Variants in PPP6R3 observed in about 807,000 individuals in gnomAD.
PPP6R3 encodes protein phosphatase 6 regulatory subunit 3, also known as serine/threonine-protein phosphatase 6 regulatory subunit 3.
A neutral mutation model predicts 110.7 loss-of-function variants in PPP6R3; 38 were observed. That is an observed-to-expected ratio of 0.34 (90% CI 0.26 to 0.45). PPP6R3 has a LOEUF of 0.45. PPP6R3 is among the 20% of genes least tolerant of loss of function. The pLI is 1.00. For synonymous variants in PPP6R3, 369 were observed against 373.5 expected (o/e 0.99, Z 0.14); for missense variants, 870 against 1,062.4 (o/e 0.82, Z 2.52).
intron 1 of PPP6R3, among the ~76,000 whole-genome samples, chr11:68,491,096 AGGATCACTT>A (rs2098981149): frequency 6.6e-6 from 1 of 151,946 alleles, no homozygotes; most frequent in African/African-American, 2.4e-5. Flanking sequence ...CTGAGGCAGG[AGGATCACTT>A]GAGCCTAGGA....
intron 16 of PPP6R3, among the ~76,000 whole-genome samples, chr11:68,588,726 T>C (rs1397109586): frequency 6.8e-6 from 1 of 147,514 alleles, no homozygotes; most frequent in Non-Finnish European, 1.5e-5. Context: ...ATTACAGGCG[T>C]GAGTCACTGC....
chr11:68,491,794 C>T (rs530158983), intron 1 of PPP6R3, among the ~76,000 whole-genome samples: 15 of 152,238 alleles, frequency 9.9e-5, no homozygotes, highest in African/African-American at 3.6e-4. Context: ...CTTTTGGCTT[C>T]CCTGGGCCAC....
At chr11:68,553,828 T>A (rs1462457086) in intron 6 of PPP6R3, among the ~76,000 whole-genome samples, 1 of 152,206 alleles carries the variant, frequency 6.6e-6, no homozygotes, top group East Asian at 1.9e-4. Flanking sequence ...GTGTCATGTT[T>A]TAAATTTTGG....
chr11:68,583,113 ATTC>A lies in PPP6R3; in HGVS notation c.1622_1624del (p.Ser541del), dbSNP rs756926051. The A allele has an allele frequency of 6.5e-6, 10 of 1,544,348 alleles. No homozygotes were observed. Among genetic ancestry groups the A allele is most frequent in the Non-Finnish European group, 8.8e-6 (10 of 1,141,856 alleles). On this transcript the variant is annotated inframe_deletion, in exon 15 of 24. Transcript: ENST00000393800. ...TTTAAAGAAACGGGTTTCTCACAGG[ATTC>A]TTCTTTGCAGCAAGTGAGTCACGCC...
chr11:68,536,834 A>G (rs1047402750), intron 2 of PPP6R3, among the ~76,000 whole-genome samples: 5 of 152,112 alleles, frequency 3.3e-5, no homozygotes, highest in African/African-American at 1.2e-4. Context: ...AGGTCTTTGA[A>G]TGGTCTCTAC....
At chr11:68,568,320 C>T (rs745718973) in intron 10 of PPP6R3, among the ~76,000 whole-genome samples, 2 of 152,124 alleles carry the variant, frequency 1.3e-5, no homozygotes, top group African/African-American at 2.4e-5. Context: ...TTACTAATAA[C>T]AATATACAGT....
At chr11:68,592,893 A>G (rs930281549) in intron 18 of PPP6R3, among the ~76,000 whole-genome samples, 8 of 152,224 alleles carry the variant, frequency 5.3e-5, no homozygotes, top group Non-Finnish European at 1.0e-4. Context: ...GTAATACAGT[A>G]TATCTTCACA....
chr11:68,614,137 AAGT>A lies in PPP6R3; in HGVS notation c.*1023_*1025del. On this transcript the variant is annotated 3_prime_UTR_variant, in exon 24 of 24. Coordinates refer to ENST00000393800, the MANE Select transcript of PPP6R3 (RefSeq NM_001164161.2). ...TTCATTTTACAGGCTAGTATTTTAA[AAGT>A]AGAAATCAAAATCTGGCACCGAAGC... The A allele has an allele frequency of 8.1e-6, 8 of 986,544 alleles. No homozygotes were observed. The highest frequency in any genetic ancestry group is 9.6e-6 in the Non-Finnish European group (8 of 830,498). The allele number at this position is 986,544 out of a possible 1,614,324, so 61.1% of individuals were successfully genotyped here.
chr11:68,610,275 T>C (rs541673216), intron 23 of PPP6R3, among the ~76,000 whole-genome samples: 1 of 152,290 alleles, frequency 6.6e-6, no homozygotes, highest in Admixed American at 6.5e-5. Flanking sequence ...CATCACTCGC[T>C]CTTTTAGAAG....
intron 1 of PPP6R3, among the ~76,000 whole-genome samples, chr11:68,498,382 A>G (rs372370394): frequency 1.3e-5 from 2 of 152,136 alleles, no homozygotes; most frequent in Non-Finnish European, 2.9e-5. Context: ...TCTCTTCTAT[A>G]TTATTACTAT....
At chr11:68,603,937 G>A (rs1270469453) in intron 22 of PPP6R3, among the ~76,000 whole-genome samples, 2 of 152,160 alleles carry the variant, frequency 1.3e-5, no homozygotes, top group Admixed American at 6.5e-5. Flanking sequence ...TTAAAAGAAC[G>A]TGACCCTTAG....
chr11:68,502,678 G>A lies in PPP6R3; in HGVS notation c.-157-16823G>A, dbSNP rs76333305. Reference sequence around the variant, plus strand: ...GTGAATTGGATTGGAAGGGAAAAGAGGAGCCAGGGCTGTTTTCCAGGCTGC... The same window carrying A: ...GTGAATTGGATTGGAAGGGAAAAGAAGAGCCAGGGCTGTTTTCCAGGCTGC... On this transcript the variant is annotated intron_variant, in intron 1 of 23. Transcript: ENST00000393800. Among the ~76,000 whole-genome samples, 601 of 152,334 alleles carry A rather than the reference G, an allele frequency of 3.9e-3. 2 individuals are homozygous for A. Among genetic ancestry groups the A allele is most frequent in the Middle Eastern group, 0.014 (4 of 294 alleles).
intron 3 of PPP6R3, among the ~76,000 whole-genome samples, chr11:68,540,333 C>T (rs548061634): frequency 4.2e-4 from 64 of 152,138 alleles, no homozygotes; most frequent in Admixed American, 3.6e-3. Flanking sequence ...CAGTAGGTTC[C>T]GTGATGCCCC....
intron 1 of PPP6R3, among the ~76,000 whole-genome samples, chr11:68,490,707 C>G (rs2098978680): frequency 6.6e-6 from 1 of 151,102 alleles, no homozygotes; most frequent in South Asian, 2.1e-4. Flanking sequence ...TGCTCAGATT[C>G]TTTCTTCAGC....
intron 7 of PPP6R3, among the ~76,000 whole-genome samples, chr11:68,557,918 T>G (rs780550284): frequency 6.6e-6 from 1 of 152,352 alleles, no homozygotes; most frequent in Non-Finnish European, 1.5e-5. Flanking sequence ...CTGGTTTATG[T>G]TAATTGTTAT....
intron 1 of PPP6R3, among the ~76,000 whole-genome samples, chr11:68,467,762 C>T (rs568675349): frequency 7.9e-5 from 12 of 152,060 alleles, no homozygotes; most frequent in Non-Finnish European, 1.2e-4. Flanking sequence ...AACACTTAGA[C>T]GTCATTTATT....
At chr11:68,541,552 G>T (rs1159304544) in intron 3 of PPP6R3, among the ~76,000 whole-genome samples, 1 of 152,202 alleles carries the variant, frequency 6.6e-6, no homozygotes, top group Non-Finnish European at 1.5e-5. Context: ...AGAGGGAAAG[G>T]GCAGGAGTTT....
At chr11:68,532,521 C>G (rs1291309410) in intron 2 of PPP6R3, among the ~76,000 whole-genome samples, 3 of 152,216 alleles carry the variant, frequency 2.0e-5, no homozygotes, top group African/African-American at 7.2e-5. Context: ...CTTTGCTCCA[C>G]TGACTGGTTT....
At chr11:68,559,031 T>C (rs926210916) in intron 8 of PPP6R3, among the ~76,000 whole-genome samples, 1 of 152,230 alleles carries the variant, frequency 6.6e-6, no homozygotes, top group Non-Finnish European at 1.5e-5. Flanking sequence ...TAAAAATAGG[T>C]GTTCCTGGTC....
Sources: gnomAD v4.1 joint callset for allele counts (sites outside exome capture counted in the v4.1 genomes callset) on GRCh38, gnomAD v4.1.1 for gene constraint, MANE v1.5 for transcripts, NCBI Gene and HGNC (gene_info 2026-07-23, HGNC 2026-07-21) for gene names.